Variants in IL1RAPL1 observed in about 807,000 individuals in gnomAD.
The protein encoded by IL1RAPL1 is interleukin 1 receptor accessory protein like 1.
In IL1RAPL1, 3 loss-of-function variants were observed where a neutral mutation model predicts 48.4. The observed-to-expected ratio is 0.06, with a 90% confidence interval of 0.03 to 0.16. The LOEUF is 0.16. IL1RAPL1 is among the 10% of genes least tolerant of loss of function. The pLI is 1.00. For missense variants in IL1RAPL1, 349 were observed against 530.6 expected, an observed-to-expected ratio of 0.66 and a Z score of 3.36; for synonymous variants, 185 against 187.7, an observed-to-expected ratio of 0.99 and a Z score of 0.12.
intron 6 of IL1RAPL1, among the ~76,000 whole-genome samples, chrX:29,859,160 G>A (rs5973211): frequency 0.087 from 9,672 of 111,197 alleles, 1,058 homozygotes; most frequent in African/African-American, 0.3. Context: ...GGCTTCAACT[G>A]CTAACTACAT....
intron 6 of IL1RAPL1, among the ~76,000 whole-genome samples, chrX:29,822,354 A>C (rs1259325638): frequency 8.9e-6 from 1 of 111,739 alleles, no homozygotes; most frequent in Non-Finnish European, 1.9e-5. Flanking sequence ...CATAAATTAT[A>C]GAAGCAGATA....
At chrX:28,781,377 C>T (rs903646335) in intron 1 of IL1RAPL1, among the ~76,000 whole-genome samples, 4 of 108,929 alleles carry the variant, frequency 3.7e-5, no homozygotes, top group African/African-American at 1.3e-4. Flanking sequence ...TGGCCATTCC[C>T]TGTCACATGG....
At chrX:29,416,200 A>G (rs1016865301) in intron 5 of IL1RAPL1, among the ~76,000 whole-genome samples, 5 of 111,765 alleles carry the variant, frequency 4.5e-5, no homozygotes, top group Non-Finnish European at 9.4e-5. Flanking sequence ...CTAGAGGTTT[A>G]CAAAATAGGA....
chrX:29,463,714 G>A (rs1269591223), intron 5 of IL1RAPL1, among the ~76,000 whole-genome samples: 4 of 111,592 alleles, frequency 3.6e-5, no homozygotes, highest in African/African-American at 6.5e-5. Context: ...GATTGTGAGC[G>A]GCCTTATAGT....
intron 1 of IL1RAPL1, among the ~76,000 whole-genome samples, chrX:28,772,578 G>C (rs1345291936): frequency 3.6e-5 from 4 of 111,704 alleles, no homozygotes; most frequent in Non-Finnish European, 7.5e-5. Flanking sequence ...GTAAACATTG[G>C]ATATATTACC....
intron 1 of IL1RAPL1, among the ~76,000 whole-genome samples, chrX:28,655,967 G>T (rs759125244): frequency 3.6e-5 from 4 of 111,746 alleles, no homozygotes; most frequent in Non-Finnish European, 7.5e-5. Flanking sequence ...ATGAAGGCCA[G>T]AGGTAATCGA....
rs61417683 is a variant in IL1RAPL1, at chrX:29,717,203, T to TACACACACACACACACACAC, written c.778+48714_778+48733dup. ...CATATTTAGTGCCAGAGAGCCAGATTACACACACACACACACACACACACA... is the reference window on the plus strand; with the variant it reads ...CATATTTAGTGCCAGAGAGCCAGATTACACACACACACACACACACACACACACACACACACACACACACA... On this transcript the variant is annotated intron_variant, in intron 6 of 10. Coordinates refer to ENST00000378993, the MANE Select transcript of IL1RAPL1 (RefSeq NM_014271.4). 7.3e-5 allele frequency among the ~76,000 whole-genome samples: 7 copies of TACACACACACACACACACAC among 95,549 alleles called. No homozygotes were observed. In the Admixed American group the frequency reaches 8.2e-4, roughly 11 times the overall value. 83.0% of individuals were successfully genotyped at this position (95,549 alleles called of 115,157 possible). A position where few individuals can be genotyped will look rare whatever the true frequency, so the allele number is the denominator to read the frequency against.
At chrX:29,555,849 G>C (rs1482678256) in intron 5 of IL1RAPL1, among the ~76,000 whole-genome samples, 1 of 111,968 alleles carries the variant, frequency 8.9e-6, no homozygotes, top group Non-Finnish European at 1.9e-5. Flanking sequence ...AAGAACACTG[G>C]GGAGGGGGGA....
At chrX:28,848,331 A>C (rs1373600691) in intron 2 of IL1RAPL1, among the ~76,000 whole-genome samples, 1 of 111,305 alleles carries the variant, frequency 9.0e-6, no homozygotes, top group East Asian at 2.8e-4. Context: ...AAAGTAAAAT[A>C]AATAAATAAA....
intron 2 of IL1RAPL1, among the ~76,000 whole-genome samples, chrX:28,898,751 T>A (rs543059398): frequency 5.7e-4 from 64 of 111,750 alleles, no homozygotes; most frequent in South Asian, 3.7e-4. Context: ...CCTGAGAGTC[T>A]ACTTTCTTAC....
chrX:29,016,725 A>C (rs1369619586), intron 2 of IL1RAPL1, among the ~76,000 whole-genome samples: 6 of 111,299 alleles, frequency 5.4e-5, no homozygotes, highest in Non-Finnish European at 1.1e-4. Context: ...TAATTCTGTA[A>C]TATAGTTCAA....
At chrX:29,170,617 G>A (rs1042024799) in intron 2 of IL1RAPL1, among the ~76,000 whole-genome samples, 2 of 111,259 alleles carry the variant, frequency 1.8e-5, no homozygotes, top group South Asian at 3.7e-4. Flanking sequence ...AATATTCAAC[G>A]TATATGTAGA....
intron 2 of IL1RAPL1, among the ~76,000 whole-genome samples, chrX:29,042,742 T>C (rs1049495775): frequency 1.5e-4 from 17 of 111,811 alleles, no homozygotes; most frequent in African/African-American, 5.5e-4. Flanking sequence ...TCTCTGCAGA[T>C]TATCTTACTG....
chrX:29,499,058 A>G (rs1360112413), intron 5 of IL1RAPL1, among the ~76,000 whole-genome samples: 1 of 112,381 alleles, frequency 8.9e-6, no homozygotes, highest in Non-Finnish European at 1.9e-5. Context: ...GTTACTCTAA[A>G]TAAAATTACT....
At chrX:29,361,799 G>C (rs751827901) in intron 3 of IL1RAPL1, among the ~76,000 whole-genome samples, 1 of 112,163 alleles carries the variant, frequency 8.9e-6, no homozygotes, top group Admixed American at 9.5e-5. Flanking sequence ...ACATGCATAT[G>C]TTGGAAGAAA....
intron 2 of IL1RAPL1, among the ~76,000 whole-genome samples, chrX:28,936,762 T>C (rs1336278966): frequency 9.0e-6 from 1 of 110,611 alleles, no homozygotes; most frequent in Non-Finnish European, 1.9e-5. Flanking sequence ...AAGTTTTGTG[T>C]CACTTGAGTT....
At chrX:29,362,729 C>T (rs1185182892) in intron 3 of IL1RAPL1, among the ~76,000 whole-genome samples, 1 of 111,742 alleles carries the variant, frequency 8.9e-6, no homozygotes, top group Admixed American at 9.5e-5. Flanking sequence ...ATAATGCAGA[C>T]CTCTTTCATT....
chrX:29,263,128 T>G (rs1304913187), intron 2 of IL1RAPL1, among the ~76,000 whole-genome samples: 1 of 112,010 alleles, frequency 8.9e-6, no homozygotes, highest in Non-Finnish European at 1.9e-5. Context: ...ATATCACCAT[T>G]AGAAACAAAT....
chrX:29,201,915 G>A (rs192686254), intron 2 of IL1RAPL1, among the ~76,000 whole-genome samples: 5 of 111,757 alleles, frequency 4.5e-5, no homozygotes, highest in Admixed American at 2.8e-4. Flanking sequence ...GGCTGGTTGC[G>A]AACTCCTGAC....
Sources: gnomAD v4.1 joint callset for allele counts (sites outside exome capture counted in the v4.1 genomes callset) on GRCh38, gnomAD v4.1.1 for gene constraint, MANE v1.5 for transcripts, NCBI Gene and HGNC (gene_info 2026-07-23, HGNC 2026-07-21) for gene names.